MYO1B: variants seen among roughly 807,000 people sequenced by gnomAD.
The protein encoded by MYO1B is myosin IB, also known as unconventional myosin-Ib.
A neutral mutation model predicts 159.7 loss-of-function variants in MYO1B; 72 were observed. The observed-to-expected ratio is 0.45, with a 90% CI of 0.37 to 0.55. The LOEUF is 0.55. Ranked by LOEUF, MYO1B falls within the 20% of genes least tolerant of loss-of-function variation. The probability of loss-of-function intolerance (pLI) is 0.00; values close to 1 mark genes in which losing one functional copy is unlikely to be tolerated. For missense variants in MYO1B, 1,062 were observed against 1,364.8 expected, an observed-to-expected ratio of 0.78 and a Z score of 3.50; for synonymous variants, 468 against 473.8, an observed-to-expected ratio of 0.99 and a Z score of 0.16.
At chr2:191,363,563 AGGTACCCCCAG>A (rs2126017538) in intron 9 of MYO1B, 154 bp from the exon 10 acceptor site, 1 of 439,990 alleles carries the variant, frequency 2.3e-6, no homozygotes. Flanking sequence ...ACAGCACCAG[AGGTACCCCCAG>A]GGTTCCTCGA....
Position 191,390,469 on chromosome 2 carries a change from G to A in MYO1B, c.1959G>A (p.Trp653Ter). Residue 653 changes from tryptophan to a stop codon, truncating the protein, a stop_gained, in exon 18 of 31, where the codon TGG (tryptophan) becomes TGA (stop). Coordinates refer to ENST00000392318, the MANE Select transcript of MYO1B (RefSeq NM_001130158.3). LOFTEE classifies it high-confidence loss of function. ...ACAAAATGCTTTGTAAACAAACATG[G>A]CCTCATTGGAAAGGACCAGCCAGGT... ...ERYKMLCKQT[W>*]PHWKGPARSG... 6.2e-7 allele frequency: 1 copy of A among 1,614,016 alleles called. No individual in the cohort carries two copies. Among genetic ancestry groups the A allele is most frequent in the Non-Finnish European group, 8.5e-7 (1 of 1,179,978 alleles).
intron 30 of MYO1B, among the ~76,000 whole-genome samples, chr2:191,418,780 C>T (rs771081958): frequency 2.6e-5 from 4 of 152,156 alleles, no homozygotes; most frequent in Admixed American, 1.3e-4. Flanking sequence ...TGAGCCACCG[C>T]GCCCAGCCTG....
intron 4 of MYO1B, among the ~76,000 whole-genome samples, chr2:191,334,664 C>T (rs1691711979): frequency 6.6e-6 from 1 of 152,052 alleles, no homozygotes; most frequent in South Asian, 2.1e-4. Flanking sequence ...GACAGCGCTT[C>T]CCAGGGCTTG....
chr2:191,248,809 T>C (rs1378106327), intron 1 of MYO1B, among the ~76,000 whole-genome samples: 1 of 152,154 alleles, frequency 6.6e-6, no homozygotes, highest in African/African-American at 2.4e-5. Flanking sequence ...TGATGTATTT[T>C]AATAATAACA....
At chr2:191,397,898 G>A (rs1173058029) in intron 21 of MYO1B, among the ~76,000 whole-genome samples, 8 of 126,506 alleles carry the variant, frequency 6.3e-5, no homozygotes, top group Non-Finnish European at 1.2e-4. Context: ...AGGGGCGGCC[G>A]GGCAGAGGCG....
Position 191,414,070 on chromosome 2 carries a change from G to C in MYO1B, c.2896G>C (p.Ala966Pro). 6.2e-7 allele frequency: 1 copy of C among 1,611,588 alleles called. No homozygotes were observed. The highest frequency in any genetic ancestry group is 8.5e-7 in the Non-Finnish European group (1 of 1,178,964). The change falls in exon 28 of 31, where the codon GCT (alanine) becomes CCT (proline). Residue 966 changes from alanine to proline, a missense_variant. By Grantham distance (27) the Ala-to-Pro change is conservative (BLOSUM62 -1). Around this residue, in one of 5 missense-constraint regions of MYO1B, gnomAD observed 609 missense variants for 744.4 expected, o/e 0.82. Transcript: ENST00000392318. Reference sequence around the variant, plus strand: ...TAGTGTTGGGCAACCATTCCAAGGGGCTTACCTGGAAATCAACAAGAACCC... The same window carrying C: ...TAGTGTTGGGCAACCATTCCAAGGGCCTTACCTGGAAATCAACAAGAACCC... ...PSSVGQPFQG[A>P]YLEINKNPKY...
At chr2:191,409,219 T>C (rs1697113021) in intron 26 of MYO1B, 41 bp downstream of exon 26, 2 of 1,583,952 alleles carry the variant, frequency 1.3e-6, no homozygotes, top group Admixed American at 1.9e-5. Flanking sequence ...GACTTTCTTA[T>C]TTATTTTGAG....
chr2:191,316,648 A>G (rs1465349847), intron 3 of MYO1B, among the ~76,000 whole-genome samples: 1 of 152,228 alleles, frequency 6.6e-6, no homozygotes, highest in Non-Finnish European at 1.5e-5. Context: ...GGTGTTTAGC[A>G]CTAAAATCTT....
At chr2:191,399,796 T>G (rs1451532068) in intron 21 of MYO1B, among the ~76,000 whole-genome samples, 1 of 152,190 alleles carries the variant, frequency 6.6e-6, no homozygotes, top group East Asian at 1.9e-4. Context: ...AGGCTCTTCC[T>G]TGGCCTCATG....
At chr2:191,318,123 C>T (rs114653536) in intron 3 of MYO1B, among the ~76,000 whole-genome samples, 4,138 of 152,142 alleles carry the variant, frequency 0.027, 96 homozygotes, top group Non-Finnish European at 0.043. Context: ...AAACTTAAAA[C>T]ACAACATATT....
intron 1 of MYO1B, among the ~76,000 whole-genome samples, chr2:191,247,123 A>G (rs1250983052): frequency 6.6e-6 from 1 of 152,176 alleles, no homozygotes; most frequent in Non-Finnish European, 1.5e-5. Flanking sequence ...ATTTCCAGGC[A>G]TTCATGGTTT....
chr2:191,269,528 C>A (rs1179161452), intron 1 of MYO1B, among the ~76,000 whole-genome samples: 1 of 152,164 alleles, frequency 6.6e-6, no homozygotes, highest in Non-Finnish European at 1.5e-5. Flanking sequence ...GGTGGAATTT[C>A]TCGGTTACGT....
chr2:191,425,243 T>C lies in MYO1B; in HGVS notation c.*1283T>C, dbSNP rs1698150898. On this transcript the variant is annotated 3_prime_UTR_variant, in exon 31 of 31. Coordinates refer to ENST00000392318, the MANE Select transcript of MYO1B (RefSeq NM_001130158.3). Reference sequence around the variant, plus strand: ...CAATGTATCATCTCTCAGAAAGGTTTTACAATCCAAACATTATATGTTCTC... The same window carrying C: ...CAATGTATCATCTCTCAGAAAGGTTCTACAATCCAAACATTATATGTTCTC... 1.3e-5 allele frequency: 2 copies of C among 152,172 alleles called. No homozygotes were observed. Among genetic ancestry groups the C allele is most frequent in the South Asian group, 2.1e-4 (1 of 4,830 alleles). The allele number at this position is 152,172 out of a possible 1,614,324, so 9.4% of individuals were successfully genotyped here.
In MYO1B at chr2:191,245,611, G is replaced by C. The variant is rs1477310242; in HGVS notation, c.-25G>C. 2 of 152,214 alleles carry C rather than the reference G, an allele frequency of 1.3e-5. No homozygotes were observed. The highest frequency in any genetic ancestry group is 3.9e-4 in the East Asian group (2 of 5,136). The allele number at this position is 152,214 out of a possible 1,614,324, so 9.4% of individuals were successfully genotyped here. A position where few individuals can be genotyped will look rare whatever the true frequency, so the allele number is the denominator to read the frequency against. ...GTGGAGGCGGAGTGGCGCCCGGCGA[G>C]GTAGCGCCAGGCGAGGTAGCGCGAG... is the stretch of plus-strand genomic sequence containing the variant. On this transcript the variant is annotated 5_prime_UTR_variant, in exon 1 of 31. Transcript: ENST00000392318.
chr2:191,327,651 G>C (rs1691190830), intron 3 of MYO1B, among the ~76,000 whole-genome samples: 2 of 152,224 alleles, frequency 1.3e-5, no homozygotes, highest in African/African-American at 4.8e-5. Context: ...TGGGGAATCA[G>C]AATGTGAGAG....
At chr2:191,382,713 A>G (rs2126074989) in intron 14 of MYO1B, among the ~76,000 whole-genome samples, 1 of 152,350 alleles carries the variant, frequency 6.6e-6, no homozygotes, top group East Asian at 1.9e-4. Flanking sequence ...TTGGCTTTGT[A>G]GCCAGTGTTA....
At chr2:191,413,567 T>C (rs1207206977) in intron 27 of MYO1B, among the ~76,000 whole-genome samples, 3 of 152,226 alleles carry the variant, frequency 2.0e-5, no homozygotes, top group Admixed American at 2.0e-4. Context: ...GAAGGCCTAT[T>C]GATTTTCTTA....
At chr2:191,393,514 TTTGG>T (rs1224078393) in intron 20 of MYO1B, among the ~76,000 whole-genome samples, 2 of 152,200 alleles carry the variant, frequency 1.3e-5, no homozygotes, top group African/African-American at 4.8e-5. Context: ...TCTAGCTGTA[TTTGG>T]TTGGAAATAC....
At chr2:191,361,500 TCAA>T (rs1328206483) in intron 8 of MYO1B, among the ~76,000 whole-genome samples, 5 of 151,840 alleles carry the variant, frequency 3.3e-5, no homozygotes, top group Non-Finnish European at 7.4e-5. Flanking sequence ...CTATGAAAAG[TCAA>T]CACCACTTAG....
Sources: gnomAD v4.1 joint callset for allele counts (sites outside exome capture counted in the v4.1 genomes callset) on GRCh38, gnomAD v4.1.1 for gene constraint, gnomAD v4.1.1 regional missense constraint, MANE v1.5 for transcripts, NCBI Gene and HGNC (gene_info 2026-07-23, HGNC 2026-07-21) for gene names.